CWF19L2: variants seen among roughly 807,000 people sequenced by gnomAD.
CWF19L2 encodes CWF19 like cell cycle control factor 2.
Under a neutral mutation model 111.7 loss-of-function variants are expected in CWF19L2, and 98 were observed. The observed-to-expected ratio is 0.88, with a 90% CI of 0.75 to 1.04. CWF19L2 has a LOEUF of 1.04. CWF19L2 is among the 50% of genes least tolerant of loss of function. CWF19L2 has a pLI of 0.00. For synonymous variants in CWF19L2, 351 were observed against 342.9 expected (o/e 1.02, Z -0.26); for missense variants, 1,101 against 1,051.4 (o/e 1.05, Z -0.65).
chr11:107,383,451 T>C (rs1365142661), intron 12 of CWF19L2, among the ~76,000 whole-genome samples: 1 of 152,160 alleles, frequency 6.6e-6, no homozygotes, highest in Non-Finnish European at 1.5e-5. Flanking sequence ...AAAACACACT[T>C]TAAAAGAGAG....
In CWF19L2 at chr11:107,373,541, C is replaced by G. The variant is rs1375275289; in HGVS notation, c.1872+16533G>C. Among the ~76,000 whole-genome samples, 21 of 124,734 alleles carry G rather than the reference C, an allele frequency of 1.7e-4. 6 individuals are homozygous for G. The highest frequency in any genetic ancestry group is 3.6e-4 in the Non-Finnish European group (21 of 57,566). The allele number at this position is 124,734 out of a possible 152,430, so 81.8% of individuals were successfully genotyped here. On this transcript the variant is annotated intron_variant, in intron 12 of 17. Coordinates refer to ENST00000282251, the MANE Select transcript of CWF19L2 (RefSeq NM_152434.3). ...CACCTCACATGGCTGGGTACTTCAA[C>G]AGACCTGCAGCTGAGGGTCCTGTCT... is the stretch of plus-strand genomic sequence containing the variant.
chr11:107,342,453 A>G (rs913768092), intron 14 of CWF19L2, among the ~76,000 whole-genome samples: 11 of 152,030 alleles, frequency 7.2e-5, no homozygotes, highest in Non-Finnish European at 1.0e-4. Flanking sequence ...ATTTCCAAGT[A>G]TTTGGGAATT....
At position 107,454,511 on chromosome 11, in the gene CWF19L2, T is replaced by A; in HGVS notation, c.278A>T (p.Lys93Met). Residue 93 changes from lysine to methionine, a missense_variant, in exon 3 of 18, where the codon AAG (lysine) becomes ATG (methionine). Physicochemically the swap from Lys to Met is moderately conservative, Grantham distance 95. Transcript: ENST00000282251. ...TTTCTGTTTCTTGCTCTTTTTTTTC[T>A]TTTCTTTCTTTGCTTTTTTTGAATG... is the stretch of plus-strand genomic sequence containing the variant. Reference protein sequence around the residue: ...DKHSKKAKKEKKKKSKKQKYE... With the variant: ...DKHSKKAKKEMKKKSKKQKYE... The A allele has an allele frequency of 1.3e-6, 2 of 1,482,628 alleles. No homozygotes were observed. The highest frequency in any genetic ancestry group is 1.8e-6 in the Non-Finnish European group (2 of 1,121,332). The allele number at this position is 1,482,628 out of a possible 1,614,324, so 91.8% of individuals were successfully genotyped here.
At chr11:107,411,432 A>C (rs1372296974) in intron 10 of CWF19L2, among the ~76,000 whole-genome samples, 3 of 152,132 alleles carry the variant, frequency 2.0e-5, no homozygotes, top group Non-Finnish European at 4.4e-5. Flanking sequence ...GTTCATTTAT[A>C]ATGACTTGTT....
intron 1 of CWF19L2, among the ~76,000 whole-genome samples, chr11:107,457,471 A>C (rs1174550496): frequency 6.6e-6 from 1 of 152,186 alleles, no homozygotes; most frequent in Admixed American, 6.5e-5. Context: ...TAAAAGGTAA[A>C]GAAACTTGGA....
intron 13 of CWF19L2, among the ~76,000 whole-genome samples, chr11:107,351,024 C>T (rs1271539570): frequency 3.3e-5 from 5 of 152,212 alleles, no homozygotes; most frequent in South Asian, 2.1e-4. Flanking sequence ...GCCTCATAGG[C>T]GACAATAAGG....
intron 10 of CWF19L2, among the ~76,000 whole-genome samples, chr11:107,395,787 A>AT: frequency 6.6e-6 from 1 of 152,216 alleles, no homozygotes; most frequent in Non-Finnish European, 1.5e-5. Context: ...AATTTTTGGC[A>AT]CATGTATGTT....
chr11:107,353,679 C>T lies in CWF19L2; in HGVS notation c.1930G>A (p.Ala644Thr), dbSNP rs1385374192. Residue 644 changes from alanine (A) to threonine (T), a missense_variant, in exon 13 of 18, where the codon GCA (alanine) becomes ACA (threonine). Coordinates refer to ENST00000282251, the MANE Select transcript of CWF19L2 (RefSeq NM_152434.3). ...YTLDDMFVSK[A>T]AERERLGEEE... Reference sequence around the variant, plus strand: ...TCACCAAGACGTTCTCTCTCAGCTGCTTTGGAGACAAACATGTCATCCAGG... The same window carrying T: ...TCACCAAGACGTTCTCTCTCAGCTGTTTTGGAGACAAACATGTCATCCAGG... 6 of 1,613,752 alleles carry T rather than the reference C, an allele frequency of 3.7e-6. No homozygotes were observed. The highest frequency in any genetic ancestry group is 5.1e-6 in the Non-Finnish European group (6 of 1,179,752).
chr11:107,397,457 A>G (rs1224147026), intron 10 of CWF19L2, among the ~76,000 whole-genome samples: 2 of 152,032 alleles, frequency 1.3e-5, no homozygotes, highest in Non-Finnish European at 2.9e-5. Flanking sequence ...AATAATAGGT[A>G]ACACAACTCT....
intron 14 of CWF19L2, among the ~76,000 whole-genome samples, chr11:107,337,506 C>G (rs747082487): frequency 6.6e-6 from 1 of 151,986 alleles, no homozygotes; most frequent in Non-Finnish European, 1.5e-5. Flanking sequence ...ACATGACACC[C>G]CCTGTAGTAC....
At chr11:107,363,195 G>C (rs141100639) in intron 12 of CWF19L2, among the ~76,000 whole-genome samples, 1 of 152,106 alleles carries the variant, frequency 6.6e-6, no homozygotes, top group African/African-American at 2.4e-5. Flanking sequence ...ATCTACGTCG[G>C]ATTGGTGTAC....
chr11:107,439,031 T>C lies in CWF19L2; in HGVS notation c.664+59A>G, dbSNP rs997806497. ...CCCTGGCTGACAGAGCGAGACTCTG[T>C]CTCGAAAAAAAAAAAAAAAAAAAAA... On this transcript the variant is annotated intron_variant, in intron 6 of 17. Transcript: ENST00000282251. 7.1e-6 allele frequency: 4 copies of C among 562,874 alleles called. No individual in the cohort carries two copies. The African/African-American group carries it at 1.5e-4, about 21-fold the overall frequency. The allele number at this position is 562,874 out of a possible 1,614,324, so 34.9% of individuals were successfully genotyped here. A position where few individuals can be genotyped will look rare whatever the true frequency, so the allele number is the denominator to read the frequency against.
intron 3 of CWF19L2, among the ~76,000 whole-genome samples, chr11:107,447,280 A>G (rs589415): frequency 0.18 from 27,095 of 152,116 alleles, 2,597 homozygotes; most frequent in Middle Eastern, 0.27. Flanking sequence ...GGCTGAAACA[A>G]AAGTACAGAT....
chr11:107,385,322 C>CA (rs11393267), intron 12 of CWF19L2, among the ~76,000 whole-genome samples: 116,306 of 148,892 alleles, frequency 0.78, 45,434 homozygotes, highest in African/African-American at 0.84. Flanking sequence ...TTAAATAATA[C>CA]AAAAAAAAAA....
chr11:107,363,545 A>T (rs1389306658), intron 12 of CWF19L2, among the ~76,000 whole-genome samples: 15 of 146,638 alleles, frequency 1.0e-4, no homozygotes, highest in African/African-American at 3.6e-4. Context: ...AGAATTTTCA[A>T]CCCAGAATTT....
rs114313473 is a variant in CWF19L2 at position 107,455,215 on chromosome 11, T to C, written c.216+451A>G. On this transcript the variant is annotated intron_variant, in intron 2 of 17. Transcript: ENST00000282251. ...GTTGATGAGGTGATGGATATGTTCA[T>C]TAGCTTGACTGAATCTTTCTATAAT... Among the ~76,000 whole-genome samples the C allele has an allele frequency of 4.3e-3, 660 of 152,270 alleles. 3 individuals carry two copies. Among genetic ancestry groups the C allele is most frequent in the African/African-American group, 0.014 (587 of 41,562 alleles).
intron 3 of CWF19L2, among the ~76,000 whole-genome samples, chr11:107,446,612 T>C (rs1861705652): frequency 6.6e-6 from 1 of 152,228 alleles, no homozygotes; most frequent in Non-Finnish European, 1.5e-5. Context: ...TGTATCTATT[T>C]ATCCAATTAG....
rs547882410 is a variant in CWF19L2, at chr11:107,361,971, C to T, written c.1873-8235G>A. Among the ~76,000 whole-genome samples the T allele has an allele frequency of 2.6e-5, 4 of 152,256 alleles. No individual in the cohort carries two copies. The East Asian group carries it at 7.7e-4, about 29-fold the overall frequency. ...GGCGCAGGTTAGTGGGTGCACGCACCGTGCGTGAGCCGAAGCAGGGCGAGG... is the reference window on the plus strand; with the variant it reads ...GGCGCAGGTTAGTGGGTGCACGCACTGTGCGTGAGCCGAAGCAGGGCGAGG... On this transcript the variant is annotated intron_variant, in intron 12 of 17. Transcript: ENST00000282251.
chr11:107,373,668 GA>G lies in CWF19L2; in HGVS notation c.1872+16405del, dbSNP rs1224826257. 1.3e-3 allele frequency among the ~76,000 whole-genome samples: 168 copies of G among 130,808 alleles called. 41 individuals carry two copies. Among genetic ancestry groups the G allele is most frequent in the African/African-American group, 4.9e-3 (161 of 33,110 alleles). The allele number at this position is 130,808 out of a possible 152,430, so 85.8% of individuals were successfully genotyped here. ...AAGTAGATAAAACCACAAAGATGGG[GA>G]AAAAACAGAACAGAAAAACTGGAAA... On this transcript the variant is annotated intron_variant, in intron 12 of 17. Coordinates refer to ENST00000282251, the MANE Select transcript of CWF19L2 (RefSeq NM_152434.3).
Sources: gnomAD v4.1 joint callset for allele counts (sites outside exome capture counted in the v4.1 genomes callset) on GRCh38, gnomAD v4.1.1 for gene constraint, MANE v1.5 for transcripts, NCBI Gene and HGNC (gene_info 2026-07-23, HGNC 2026-07-21) for gene names.